The following KAZN variants were observed in gnomAD, a reference collection of about 807,000 sequenced individuals.
The protein encoded by KAZN is kazrin, periplakin interacting protein.
A neutral mutation model predicts 87.4 loss-of-function variants in KAZN; 40 were observed. That is an observed-to-expected ratio of 0.46 (90% CI 0.36 to 0.60). The LOEUF is 0.60. Ranked by LOEUF, KAZN falls within the 20% of genes least tolerant of loss-of-function variation. The pLI, the probability that KAZN is intolerant of heterozygous loss-of-function variation, is 0.00. For missense variants in KAZN, 898 were observed against 1,073.9 expected (o/e 0.84, Z 2.29); for synonymous variants, 466 against 458.3 (o/e 1.02, Z -0.22).
intron 2 of KAZN, among the ~76,000 whole-genome samples, chr1:14,587,435 C>CA (rs1178802899): frequency 5.9e-4 from 50 of 85,386 alleles, no homozygotes; most frequent in Non-Finnish European, 6.7e-4. Context: ...GACTCCAACT[C>CA]AAAAAAAAAA....
intron 2 of KAZN, among the ~76,000 whole-genome samples, chr1:14,961,487 C>T (rs1041524497): frequency 1.3e-5 from 2 of 152,230 alleles, no homozygotes; most frequent in South Asian, 2.1e-4. Flanking sequence ...CCTGGAGGGA[C>T]CCACATCCCT....
At chr1:14,957,856 C>T (rs565133266) in intron 1 of KAZN, among the ~76,000 whole-genome samples, 2 of 152,284 alleles carry the variant, frequency 1.3e-5, no homozygotes, top group Non-Finnish European at 2.9e-5. Flanking sequence ...GTGAGATGTG[C>T]CTTGCACCTC....
intron 2 of KAZN, among the ~76,000 whole-genome samples, chr1:14,354,648 A>ACG (rs1658846737): frequency 1.2e-5 from 1 of 81,640 alleles, no homozygotes; most frequent in East Asian, 5.2e-4. Flanking sequence ...TAAATTAGAC[A>ACG]CACACACACA....
intron 2 of KAZN, among the ~76,000 whole-genome samples, chr1:14,551,341 G>T (rs112984314): frequency 5.3e-5 from 8 of 152,110 alleles, no homozygotes; most frequent in African/African-American, 9.7e-5. Flanking sequence ...GGCTCCCCTC[G>T]TATGATAAAA....
At chr1:14,995,784 C>A (rs145932419) in intron 2 of KAZN, among the ~76,000 whole-genome samples, 1 of 152,140 alleles carries the variant, frequency 6.6e-6, no homozygotes, top group Non-Finnish European at 1.5e-5. Context: ...AGCCCAGGTG[C>A]CTTTGGGTGC....
intron 2 of KAZN, among the ~76,000 whole-genome samples, chr1:14,997,445 G>T (rs1447325509): frequency 1.3e-5 from 2 of 151,944 alleles, no homozygotes; most frequent in Non-Finnish European, 2.9e-5. Flanking sequence ...TCTCCCTGTT[G>T]GTCAGGCTGG....
At chr1:14,841,192 T>A (rs757748583) in intron 1 of KAZN, among the ~76,000 whole-genome samples, 15 of 150,832 alleles carry the variant, frequency 9.9e-5, no homozygotes, top group Non-Finnish European at 1.5e-4. Flanking sequence ...CCAAGGCGGG[T>A]GGATCATGAG....
intron 1 of KAZN, among the ~76,000 whole-genome samples, chr1:14,808,290 CTTTTTT>C (rs57548450): frequency 1.1e-5 from 1 of 88,094 alleles, no homozygotes; most frequent in African/African-American, 4.3e-5. Context: ...AAAGAGGTTT[CTTTTTT>C]TTTTTTTTTT....
chr1:15,029,954 G>C (rs1671523156), intron 2 of KAZN, among the ~76,000 whole-genome samples: 1 of 152,108 alleles, frequency 6.6e-6, no homozygotes, highest in Non-Finnish European at 1.5e-5. Flanking sequence ...TGCCCTCCAG[G>C]AGCCACTCCC....
At chr1:15,109,940 T>TTTGTGTGTTTGC (rs1641452431) in intron 13 of KAZN, among the ~76,000 whole-genome samples, 1 of 150,988 alleles carries the variant, frequency 6.6e-6, no homozygotes, top group Non-Finnish European at 1.5e-5. Flanking sequence ...TGTGTGTGTG[T>TTTGTGTGTTTGC]GTTTGTGTAT....
chr1:14,065,196 G>A lies in KAZN; in HGVS notation c.92-115239G>A, dbSNP rs143991586. ...AGCTCTCAGGAGGGGAATCTGTTCC[G>A]GCTTGCCTTCCGCATTGATAACATG... On this transcript the variant is annotated intron_variant, in intron 1 of 16. Coordinates refer to the KAZN transcript ENST00000636203. Among the ~76,000 whole-genome samples, 975 of 152,258 alleles carry A rather than the reference G, an allele frequency of 6.4e-3. 8 individuals are homozygous for A. The highest frequency in any genetic ancestry group is 0.022 in the African/African-American group (931 of 41,546).
intron 2 of KAZN, among the ~76,000 whole-genome samples, chr1:14,266,153 A>G (rs1246167123): frequency 6.6e-6 from 1 of 152,186 alleles, no homozygotes. Flanking sequence ...GATATAATAA[A>G]TTGTTATAAC....
chr1:14,108,308 C>T (rs985453707), intron 1 of KAZN, among the ~76,000 whole-genome samples: 2 of 152,078 alleles, frequency 1.3e-5, no homozygotes, highest in Admixed American at 6.5e-5. Context: ...TCTCACAGCC[C>T]GTACTATAGA....
intron 1 of KAZN, among the ~76,000 whole-genome samples, chr1:14,030,352 T>G (rs550741862): frequency 6.8e-6 from 1 of 147,858 alleles, no homozygotes; most frequent in Non-Finnish European, 1.5e-5. Context: ...ACACCGCATA[T>G]TCTCACTCAT....
intron 2 of KAZN, among the ~76,000 whole-genome samples, chr1:14,539,116 G>T (rs1672664561): frequency 6.6e-6 from 1 of 152,146 alleles, no homozygotes; most frequent in African/African-American, 2.4e-5. Flanking sequence ...CCCCCAAAAT[G>T]AAACTACAAC....
In KAZN at chr1:14,934,368, G is replaced by A. The variant is rs528989046; in HGVS notation, c.227-26316G>A. On this transcript the variant is annotated intron_variant, in intron 1 of 14. Transcript: ENST00000376030. ...ATTACAGGCGCCTGCCACCACGCCC[G>A]GCTAATTTTTGTATTTTTAGTAGAG... Among the ~76,000 whole-genome samples, 13 of 151,636 alleles carry A rather than the reference G, an allele frequency of 8.6e-5. No individual in the cohort carries two copies. The East Asian group carries it at 1.4e-3, about 16-fold the overall frequency.
chr1:14,798,139 C>T (rs577563801), intron 1 of KAZN, among the ~76,000 whole-genome samples: 1 of 152,106 alleles, frequency 6.6e-6, no homozygotes, highest in Non-Finnish European at 1.5e-5. Flanking sequence ...CTGTTGCTGC[C>T]GCTTACACAG....
intron 1 of KAZN, among the ~76,000 whole-genome samples, chr1:14,801,753 G>A (rs572810673): frequency 1.3e-5 from 2 of 150,866 alleles, no homozygotes; most frequent in South Asian, 4.2e-4. Flanking sequence ...GCTTGATCTC[G>A]GCTCACTGCA....
chr1:14,847,663 A>C (rs1222184664), intron 1 of KAZN, among the ~76,000 whole-genome samples: 1 of 152,194 alleles, frequency 6.6e-6, no homozygotes, highest in Non-Finnish European at 1.5e-5. Flanking sequence ...TGTTCCATTC[A>C]GTGCAGCATT....
Sources: gnomAD v4.1 joint callset for allele counts (sites outside exome capture counted in the v4.1 genomes callset) on GRCh38, gnomAD v4.1.1 for gene constraint, MANE v1.5 for transcripts, NCBI Gene and HGNC (gene_info 2026-07-23, HGNC 2026-07-21) for gene names.